OR11G2: variants seen among roughly 807,000 people sequenced by gnomAD.
OR11G2 encodes olfactory receptor 11G2.
OR11G2 carries 2 observed loss-of-function variants against 0.9 expected under a neutral mutation model. The observed-to-expected ratio is 2.35, with a 90% confidence interval of 0.96 to 7.38. The LOEUF (loss-of-function observed/expected upper bound fraction) is 7.38. OR11G2 is among the 30% of genes most tolerant of loss of function. The probability of loss-of-function intolerance (pLI) is 0.05; values close to 1 mark genes in which losing one functional copy is unlikely to be tolerated. For missense variants in OR11G2, 395 were observed against 371.3 expected, an observed-to-expected ratio of 1.06 and a Z score of -0.52; for synonymous variants, 153 against 142.0, an observed-to-expected ratio of 1.08 and a Z score of -0.55.
rs887904732 is a variant in OR11G2, at chr14:20,198,597, C to T, written c.*224C>T. ...ACAAAAAATTAGCCGGGCGTGGTGG[C>T]GGACGCCTGTAGTCCCAGCTACTCG... On this transcript the variant is annotated 3_prime_UTR_variant, in exon 2 of 2. Coordinates refer to ENST00000641879, the MANE Select transcript of OR11G2 (RefSeq NM_001386033.1). The T allele has an allele frequency of 7.8e-4, 222 of 284,616 alleles. No individual in the cohort carries two copies. In the Middle Eastern group the frequency reaches 0.019, roughly 24 times the overall value. 17.6% of individuals were successfully genotyped at this position (284,616 alleles called of 1,614,324 possible).
chr14:20,193,753 G>C lies in OR11G2; in HGVS notation c.-5+2087G>C, dbSNP rs147561747. Among the ~76,000 whole-genome samples the C allele has an allele frequency of 5.0e-3, 761 of 152,328 alleles. 3 individuals are homozygous for C. The highest frequency in any genetic ancestry group is 8.0e-3 in the Non-Finnish European group (542 of 68,040). ...CATTTGCAGTACACAGCAGAGCTGA[G>C]TAGTTTTGACAGAGACTATAGAGCC... On this transcript the variant is annotated intron_variant, in intron 1 of 1. Transcript: ENST00000641879.
rs914022378 is a variant in OR11G2, at chr14:20,198,499, C to G, written c.*126C>G. 1.4e-5 allele frequency: 9 copies of G among 651,230 alleles called. No individual in the cohort carries two copies. Among genetic ancestry groups the G allele is most frequent in the Middle Eastern group, 4.4e-4 (1 of 2,248 alleles). The allele number at this position is 651,230 out of a possible 1,614,324, so 40.3% of individuals were successfully genotyped here. A position where few individuals can be genotyped will look rare whatever the true frequency, so the allele number is the denominator to read the frequency against. On this transcript the variant is annotated 3_prime_UTR_variant, in exon 2 of 2. Coordinates refer to ENST00000641879, the MANE Select transcript of OR11G2 (RefSeq NM_001386033.1). ...ATCCCAGCACTTTGGGAGCCCGAGGCGGGTGGATCACGAGGTCAGGAGATC... is the reference window on the plus strand; with the variant it reads ...ATCCCAGCACTTTGGGAGCCCGAGGGGGGTGGATCACGAGGTCAGGAGATC...
Position 20,193,668 on chromosome 14 carries a change from G to A in OR11G2, c.-5+2002G>A, listed in dbSNP as rs560783875. Among the ~76,000 whole-genome samples, 3 of 152,262 alleles carry A rather than the reference G, an allele frequency of 2.0e-5. No individual in the cohort carries two copies. In the South Asian group the frequency reaches 6.2e-4, roughly 32 times the overall value. On this transcript the variant is annotated intron_variant, in intron 1 of 1. Coordinates refer to ENST00000641879, the MANE Select transcript of OR11G2 (RefSeq NM_001386033.1). Reference sequence around the variant, plus strand: ...ATTATATGAAATTCACATTTCAGTAGACATAATAGTTTTATAGCAACATAG... The same window carrying A: ...ATTATATGAAATTCACATTTCAGTAAACATAATAGTTTTATAGCAACATAG...
Position 20,197,652 on chromosome 14 carries a change from T to A in OR11G2, c.215T>A (p.Phe72Tyr), listed in dbSNP as rs1205649826. 3.1e-6 allele frequency: 5 copies of A among 1,613,870 alleles called. No homozygotes were observed. Among genetic ancestry groups the A allele is most frequent in the Non-Finnish European group, 3.4e-6 (4 of 1,179,926 alleles). ...PMYILLANFSFLEICYVTSTV... is the reference protein window; with the variant it reads ...PMYILLANFSYLEICYVTSTV... Reference sequence around the variant, plus strand: ...TACATCCTGCTCGCCAACTTCTCCTTCTTGGAGATATGTTATGTCACCTCC... The same window carrying A: ...TACATCCTGCTCGCCAACTTCTCCTACTTGGAGATATGTTATGTCACCTCC... Residue 72 changes from phenylalanine (F) to tyrosine (Y), a missense_variant, in exon 2 of 2, where the codon TTC (phenylalanine) becomes TAC (tyrosine). By Grantham distance (22) the Phe-to-Tyr change is conservative. Coordinates refer to ENST00000641879, the MANE Select transcript of OR11G2 (RefSeq NM_001386033.1).
Position 20,198,411 on chromosome 14 carries a change from T to C in OR11G2, c.*38T>C. 2.8e-6 allele frequency: 4 copies of C among 1,416,410 alleles called. No individual in the cohort carries two copies. Among genetic ancestry groups the C allele is most frequent in the Non-Finnish European group, 3.8e-6 (4 of 1,045,554 alleles). The allele number at this position is 1,416,410 out of a possible 1,614,324, so 87.7% of individuals were successfully genotyped here. ...AAAGGTCCTTGCGTAATTAATCTTG[T>C]CTTTAATTTTGGGGTTTAAAAAAAA... On this transcript the variant is annotated 3_prime_UTR_variant, in exon 2 of 2. Coordinates refer to ENST00000641879, the MANE Select transcript of OR11G2 (RefSeq NM_001386033.1).
At chr14:20,192,056 C>T (rs1429428987) in intron 1 of OR11G2, among the ~76,000 whole-genome samples, 1 of 152,100 alleles carries the variant, frequency 6.6e-6, no homozygotes, top group Non-Finnish European at 1.5e-5. Context: ...CCATACCCGG[C>T]TAATTTTTGT....
intron 1 of OR11G2, 21 bp from the exon 2 acceptor site, chr14:20,197,413 T>C: frequency 6.2e-7 from 1 of 1,612,298 alleles, no homozygotes. Flanking sequence ...CAGTAATTGC[T>C]GGTGCTTTTA....
At chr14:20,191,839 A>T (rs979930008) in intron 1 of OR11G2, among the ~76,000 whole-genome samples, 173 bp downstream of exon 1, 1 of 151,652 alleles carries the variant, frequency 6.6e-6, no homozygotes, top group Non-Finnish European at 1.5e-5. Flanking sequence ...CTGAGGGGGA[A>T]CTTGCCTGGA....
rs534194751 is a variant in OR11G2, at chr14:20,198,647, T to G, written c.*274T>G. 885 of 192,358 alleles carry G rather than the reference T, an allele frequency of 4.6e-3. 4 individuals carry two copies. Among genetic ancestry groups the G allele is most frequent in the Non-Finnish European group, 6.3e-3 (593 of 93,744 alleles). The allele number at this position is 192,358 out of a possible 1,614,324, so 11.9% of individuals were successfully genotyped here. A position where few individuals can be genotyped will look rare whatever the true frequency, so the allele number is the denominator to read the frequency against. On this transcript the variant is annotated 3_prime_UTR_variant, in exon 2 of 2. Transcript: ENST00000641879. ...GGGAGGCTGAGGCAGGAGAATGGCG[T>G]GAACCCGGGAGGCGGAGCTTGCAGT...
rs1879841243 is a variant in OR11G2 at position 20,198,788 on chromosome 14, C to T, written c.*415C>T. 6.6e-6 allele frequency: 1 copy of T among 151,842 alleles called. No individual in the cohort carries two copies. Among genetic ancestry groups the T allele is most frequent in the Non-Finnish European group, 1.5e-5 (1 of 68,448 alleles). The allele number at this position is 151,842 out of a possible 1,614,324, so 9.4% of individuals were successfully genotyped here. On this transcript the variant is annotated 3_prime_UTR_variant, in exon 2 of 2. Coordinates refer to ENST00000641879, the MANE Select transcript of OR11G2 (RefSeq NM_001386033.1). ...GTTAATTGTTCATCTTACTATTGGCCAAAGCTAAAATACCTGTGAGCATGT... is the reference window on the plus strand; with the variant it reads ...GTTAATTGTTCATCTTACTATTGGCTAAAGCTAAAATACCTGTGAGCATGT...
In OR11G2 at chr14:20,198,191, G is replaced by C. The variant is rs1347492360; in HGVS notation, c.754G>C (p.Val252Leu). The C allele has an allele frequency of 1.2e-6, 2 of 1,614,142 alleles. No homozygotes were observed. Among genetic ancestry groups the C allele is most frequent in the Non-Finnish European group, 1.7e-6 (2 of 1,180,024 alleles). ...FSTCGSHLAV[V>L]SLFYGSVLVM... ...CACCTGTGGGTCTCACCTGGCTGTGGTTTCACTGTTCTACGGCTCAGTACT... is the reference window on the plus strand; with the variant it reads ...CACCTGTGGGTCTCACCTGGCTGTGCTTTCACTGTTCTACGGCTCAGTACT... Residue 252 changes from valine (V) to leucine (L), a missense_variant, in exon 2 of 2, where the codon GTT becomes CTT. Val to Leu is a conservative substitution (Grantham distance 32). Transcript: ENST00000641879.
chr14:20,195,675 C>T (rs759653747), intron 1 of OR11G2, among the ~76,000 whole-genome samples: 10 of 152,134 alleles, frequency 6.6e-5, no homozygotes, highest in South Asian at 2.1e-4. Context: ...AACTTGCTGC[C>T]GGCATCTTTT....
intron 1 of OR11G2, 52 bp from the exon 2 acceptor site, chr14:20,197,382 A>G: frequency 1.2e-6 from 2 of 1,600,430 alleles, no homozygotes; most frequent in Non-Finnish European, 1.7e-6. Flanking sequence ...CTGATTCCCC[A>G]TCTATGTTTG....
rs1879819746 is a variant in OR11G2 at position 20,198,261 on chromosome 14, A to G, written c.824A>G (p.Gln275Arg). The G allele has an allele frequency of 6.2e-7, 1 of 1,614,150 alleles. No homozygotes were observed. Among genetic ancestry groups the G allele is most frequent in the East Asian group, 2.2e-5 (1 of 44,880 alleles). Residue 275 changes from glutamine (Q) to arginine (R), a missense_variant, in exon 2 of 2, where the codon CAG (glutamine) becomes CGG (arginine). By Grantham distance (43) the Gln-to-Arg change is conservative. Coordinates refer to ENST00000641879, the MANE Select transcript of OR11G2 (RefSeq NM_001386033.1). ...SPPSKNEAGK[Q>R]KTVTLFYSVV... is the part of the protein sequence containing the mutation. ...CCATCTAAGAATGAAGCTGGAAAGC[A>G]GAAGACTGTGACTCTGTTTTATTCT...
Position 20,198,075 on chromosome 14 carries a change from T to G in OR11G2, c.638T>G (p.Met213Arg), listed in dbSNP as rs2139114869. 2.5e-6 allele frequency: 4 copies of G among 1,614,170 alleles called. No individual in the cohort carries two copies. The highest frequency in any genetic ancestry group is 1.1e-5 in the South Asian group (1 of 91,076). The change falls in exon 2 of 2, where the codon ATG (methionine) becomes AGG (arginine). Residue 213 changes from methionine to arginine, a missense_variant. Coordinates refer to ENST00000641879, the MANE Select transcript of OR11G2 (RefSeq NM_001386033.1). ...FSVLSPLPVF[M>R]LFLFIVGSYA... ...GTCTTAAGTCCTCTGCCTGTCTTTA[T>G]GCTCTTTCTCTTCATTGTGGGGTCC...
intron 1 of OR11G2, among the ~76,000 whole-genome samples, chr14:20,194,795 G>A (rs890063307): frequency 6.6e-6 from 1 of 152,194 alleles, no homozygotes; most frequent in Non-Finnish European, 1.5e-5. Flanking sequence ...TGAATGGCTC[G>A]TGTGAAGCTA....
chr14:20,197,321 T>C, intron 1 of OR11G2, 113 bp from the exon 2 acceptor site: 4 of 1,375,374 alleles, frequency 2.9e-6, no homozygotes, highest in Non-Finnish European at 4.0e-6. Context: ...TTACTTTTAT[T>C]TCAATAGTAA....
chr14:20,197,378 C>T (rs868356269), intron 1 of OR11G2, 56 bp from the exon 2 acceptor site: 1 of 1,588,798 alleles, frequency 6.3e-7, no homozygotes, highest in Non-Finnish European at 8.6e-7. Flanking sequence ...AAATCTGATT[C>T]CCCATCTATG....
chr14:20,196,172 G>A (rs144270615), intron 1 of OR11G2, among the ~76,000 whole-genome samples: 86 of 152,314 alleles, frequency 5.6e-4, no homozygotes, highest in African/African-American at 1.9e-3. Flanking sequence ...GAGAGGAGAG[G>A]AAGGCTACCC....
Sources: allele counts gnomAD v4.1 joint callset (sites outside exome capture counted in the v4.1 genomes callset), GRCh38; gene constraint gnomAD v4.1.1; transcripts MANE v1.5; gene names NCBI Gene and HGNC (gene_info 2026-07-23, HGNC 2026-07-21).